The following SYNJ2 variants were observed in gnomAD, a reference collection of about 807,000 sequenced individuals.
The protein encoded by SYNJ2 is polyphosphatidylinositol phosphatase SYNJ2.
Under a neutral mutation model 141.3 loss-of-function variants are expected in SYNJ2, and 116 were observed. That is an observed-to-expected ratio of 0.82 (90% CI 0.71 to 0.96). The LOEUF is 0.96. Among genes scored for constraint, SYNJ2 ranks in the 40% least tolerant of loss-of-function variants. The probability of loss-of-function intolerance (pLI) is 0.00; values close to 1 mark genes in which losing one functional copy is unlikely to be tolerated. For missense variants in SYNJ2, 1,873 were observed against 1,934.8 expected (o/e 0.97, Z 0.60); for synonymous variants, 745 against 777.7 (o/e 0.96, Z 0.70).
chr6:158,089,384 G>A (rs1783284987), intron 24 of SYNJ2, among the ~76,000 whole-genome samples: 1 of 152,110 alleles, frequency 6.6e-6, no homozygotes, highest in African/African-American at 2.4e-5. Flanking sequence ...TGCTTGTGCG[G>A]CCCCAGCAGG....
chr6:158,057,931 G>T (rs985879148), intron 6 of SYNJ2, among the ~76,000 whole-genome samples: 1 of 152,246 alleles, frequency 6.6e-6, no homozygotes, highest in Admixed American at 6.5e-5. Context: ...GCCCGGGAGG[G>T]TGCTCACCCT....
chr6:158,067,846 C>A, intron 12 of SYNJ2: 1 of 985,286 alleles, frequency 1.0e-6, no homozygotes. Context: ...CCTCCAGAAG[C>A]CATTCAGGAT....
At chr6:158,006,504 A>AC (rs1342676417) in intron 1 of SYNJ2, among the ~76,000 whole-genome samples, 2 of 152,174 alleles carry the variant, frequency 1.3e-5, no homozygotes, top group East Asian at 3.9e-4. Context: ...GATGCCACGC[A>AC]CTGCTGGGTT....
chr6:158,005,595 G>A (rs1243734610), intron 1 of SYNJ2, among the ~76,000 whole-genome samples: 3 of 151,384 alleles, frequency 2.0e-5, no homozygotes, highest in African/African-American at 7.3e-5. Context: ...CAGCCGCTGT[G>A]CAGTAGAAGT....
chr6:158,089,793 C>A, intron 24 of SYNJ2, 46 bp from the exon 25 acceptor site: 2 of 1,467,486 alleles, frequency 1.4e-6, no homozygotes, highest in Non-Finnish European at 1.9e-6. Flanking sequence ...CGAGGCTGTC[C>A]TCCTGCCTCT....
At chr6:158,050,934 A>G (rs1032545850) in intron 5 of SYNJ2, among the ~76,000 whole-genome samples, 3 of 151,864 alleles carry the variant, frequency 2.0e-5, no homozygotes, top group African/African-American at 7.3e-5. Flanking sequence ...ATGACACCCA[A>G]TGGCATGTTG....
intron 18 of SYNJ2, chr6:158,079,247 G>A (rs1310528474): frequency 6.6e-6 from 1 of 152,194 alleles, no homozygotes; most frequent in Non-Finnish European, 1.5e-5. Flanking sequence ...ACAGAGGAGA[G>A]GATGGCATTT....
intron 1 of SYNJ2, among the ~76,000 whole-genome samples, chr6:158,007,602 G>A (rs1259730422): frequency 2.0e-5 from 3 of 152,164 alleles, no homozygotes; most frequent in African/African-American, 7.2e-5. Flanking sequence ...GGAATTGCTG[G>A]TAACTTTTTT....
intron 25 of SYNJ2, among the ~76,000 whole-genome samples, chr6:158,090,892 C>T (rs934638905): frequency 6.6e-6 from 1 of 151,980 alleles, no homozygotes; most frequent in Non-Finnish European, 1.5e-5. Flanking sequence ...GCTTAATTTG[C>T]TTTTAGTCAG....
chr6:158,068,899 A>T (rs918196601), intron 13 of SYNJ2, among the ~76,000 whole-genome samples, 171 bp downstream of exon 13: 7 of 152,058 alleles, frequency 4.6e-5, no homozygotes, highest in African/African-American at 1.4e-4. Context: ...TCACACATGC[A>T]CCACCCCGTT....
chr6:157,996,316 C>T (rs911774396), intron 1 of SYNJ2, among the ~76,000 whole-genome samples: 7 of 152,160 alleles, frequency 4.6e-5, no homozygotes, highest in Admixed American at 2.0e-4. Flanking sequence ...CCCCGGTCAT[C>T]GCTGCTACAT....
At chr6:157,991,414 A>G (rs756706231) in intron 1 of SYNJ2, among the ~76,000 whole-genome samples, 1 of 152,200 alleles carries the variant, frequency 6.6e-6, no homozygotes, top group Non-Finnish European at 1.5e-5. Flanking sequence ...CTCCCAGGTG[A>G]TGCTGATCCA....
At chr6:158,048,164 C>A (rs1011111805) in intron 5 of SYNJ2, among the ~76,000 whole-genome samples, 3 of 152,120 alleles carry the variant, frequency 2.0e-5, no homozygotes, top group African/African-American at 7.2e-5. Context: ...GAGCAGGGGG[C>A]AGGACAGGGC....
chr6:158,092,926 G>A lies in SYNJ2; in HGVS notation c.3566G>A (p.Gly1189Asp). 1.3e-6 allele frequency: 2 copies of A among 1,580,518 alleles called. No homozygotes were observed. The highest frequency in any genetic ancestry group is 1.7e-6 in the Non-Finnish European group (2 of 1,168,968). ...TCAGCCATGTGGTTTTATGTTTCAG[G>A]TGCCTCCGAAGAAGCCCTAAGTGCC... ...AIRCLLEARG[G>D]ASEEALSAVA... Residue 1189 changes from glycine (G) to aspartate (D), a missense_variant and splice_region_variant, in exon 26 of 27, where the codon GGT becomes GAT. Transcript: ENST00000355585.
At position 158,084,075 on chromosome 6, in the gene SYNJ2, G is replaced by C. The variant is rs61743913; in HGVS notation, c.3109G>C (p.Gly1037Arg). The C allele has an allele frequency of 1.9e-6, 3 of 1,613,758 alleles. No homozygotes were observed. Among genetic ancestry groups the C allele is most frequent in the Non-Finnish European group, 2.5e-6 (3 of 1,179,754 alleles). ...NQPGVSDSEL[G>R]GDDLSDVPGP... ...GCCTGGAGTCTCGGACAGTGAACTC[G>C]GGGGAGACGACCTCTCTGATGTCCC... Residue 1037 changes from glycine (G) to arginine (R), a missense_variant, in exon 22 of 27, where the codon GGG (glycine) becomes CGG (arginine). Transcript: ENST00000355585. The surrounding 1 kb of genome is among the most constrained non-coding windows in gnomAD (Gnocchi z 5.0).
intron 2 of SYNJ2, among the ~76,000 whole-genome samples, chr6:158,020,801 A>C (rs1778729484): frequency 6.6e-6 from 1 of 152,244 alleles, no homozygotes; most frequent in South Asian, 2.1e-4. Flanking sequence ...CTGCGCAAAG[A>C]AAGAGGCTTC....
At position 158,033,647 on chromosome 6, in the gene SYNJ2, C is replaced by CG. The variant is rs1365557313; in HGVS notation, c.680dup (p.His228ProfsTer109). 25 of 1,611,744 alleles carry CG rather than the reference C, an allele frequency of 1.6e-5. No homozygotes were observed. The highest frequency in any genetic ancestry group is 1.9e-5 in the Non-Finnish European group (23 of 1,179,676). ...TCCACACCCGTGGCGTGAACGACGA[C>CG]GGCCATGTGTCCAACTTCGTGGAGA... is the stretch of plus-strand genomic sequence containing the variant. On this transcript the variant is annotated frameshift_variant, in exon 4 of 27. Transcript: ENST00000355585. LOFTEE classifies it high-confidence loss of function.
rs1039325707 is a variant in SYNJ2, at chr6:158,097,342, T to C, written c.*978T>C. The C allele has an allele frequency of 6.6e-6, 1 of 152,216 alleles. No homozygotes were observed. Among genetic ancestry groups the C allele is most frequent in the African/African-American group, 2.4e-5 (1 of 41,448 alleles). The allele number at this position is 152,216 out of a possible 1,614,324, so 9.4% of individuals were successfully genotyped here. A position where few individuals can be genotyped will look rare whatever the true frequency, so the allele number is the denominator to read the frequency against. On this transcript the variant is annotated 3_prime_UTR_variant, in exon 27 of 27. Transcript: ENST00000355585. ...ATATAAGAATCACCAGGCCAGTGTT[T>C]CTGGGTTTGCTTGTCTATATGTTTG...
chr6:158,009,228 A>G (rs892525057), intron 1 of SYNJ2, among the ~76,000 whole-genome samples: 6 of 152,110 alleles, frequency 3.9e-5, no homozygotes, highest in Non-Finnish European at 7.3e-5. Flanking sequence ...GTCACTGTCT[A>G]TATTGCACTG....
Sources: allele counts gnomAD v4.1 joint callset (sites outside exome capture counted in the v4.1 genomes callset), GRCh38; gene constraint gnomAD v4.1.1; non-coding constraint Gnocchi (gnomAD v3.1); transcripts MANE v1.5; gene names NCBI Gene and HGNC (gene_info 2026-07-23, HGNC 2026-07-21).